SPRR2G: variants seen among roughly 807,000 people sequenced by gnomAD.
SPRR2G encodes the protein small proline-rich protein 2G.
SPRR2G carries 1 observed loss-of-function variant against 0.7 expected under a neutral mutation model. The ratio of observed to expected loss-of-function variants is 1.49; its 90% confidence interval spans 0.53 to 7.06. The LOEUF is 7.06. Ranked by LOEUF, SPRR2G falls within the 30% of genes most tolerant of loss-of-function variation. SPRR2G has a pLI of 0.14. For missense variants in SPRR2G, 96 were observed against 88.5 expected (o/e 1.09, Z -0.34); for synonymous variants, 38 against 33.9 (o/e 1.12, Z -0.42).
the SPRR2G span, among the ~76,000 whole-genome samples, chr1:153,177,763 C>A: frequency 4.0e-3 from 611 of 151,982 alleles, 9 homozygotes; most frequent in African/African-American, 0.013. Context: ...GTATTGAAAC[C>A]AGATAGTGTG....
the SPRR2G span, among the ~76,000 whole-genome samples, chr1:153,177,235 A>G: frequency 3.3e-5 from 5 of 152,316 alleles, no homozygotes; most frequent in East Asian, 9.6e-4. Context: ...TGAATTTTCC[A>G]TAATTTATTG....
At chr1:153,160,766 A>T in the SPRR2G span, among the ~76,000 whole-genome samples, 3 of 151,268 alleles carry the variant, frequency 2.0e-5, no homozygotes, top group Non-Finnish European at 4.4e-5. Flanking sequence ...ATTATAAAAC[A>T]TGCTGCTATA....
chr1:153,159,805 A>G, the SPRR2G span, among the ~76,000 whole-genome samples: 1 of 152,194 alleles, frequency 6.6e-6, no homozygotes, highest in Admixed American at 6.5e-5. Context: ...AACACTTTTA[A>G]GCCATTAGAT....
the SPRR2G span, among the ~76,000 whole-genome samples, chr1:153,202,978 C>A: frequency 6.6e-6 from 1 of 152,122 alleles, no homozygotes; most frequent in Non-Finnish European, 1.5e-5. Flanking sequence ...CTGGGGCTAA[C>A]CCAATTGTGT....
At chr1:153,162,186 G>A in the SPRR2G span, among the ~76,000 whole-genome samples, 1 of 152,098 alleles carries the variant, frequency 6.6e-6, no homozygotes, top group Non-Finnish European at 1.5e-5. Context: ...AGGCCCCAGT[G>A]TGTGTTGTTC....
At chr1:153,155,609 A>C (rs942510773), upstream of SPRR2G, among the ~76,000 whole-genome samples, 3 of 152,168 alleles carry the variant, frequency 2.0e-5, no homozygotes, top group Non-Finnish European at 4.4e-5. Context: ...ATCTGACTAC[A>C]TCACTTGCAT....
chr1:153,188,571 GC>G, the SPRR2G span, among the ~76,000 whole-genome samples: 3 of 152,166 alleles, frequency 2.0e-5, no homozygotes, highest in Non-Finnish European at 2.9e-5. Context: ...AGACAGCTGT[GC>G]TGGCAGCAAG....
the SPRR2G span, among the ~76,000 whole-genome samples, chr1:153,193,952 C>G: frequency 6.6e-6 from 1 of 152,138 alleles, no homozygotes; most frequent in African/African-American, 2.4e-5. Flanking sequence ...CTCCAGCCCA[C>G]AAGATGACAG....
the SPRR2G span, among the ~76,000 whole-genome samples, chr1:153,196,249 T>C: frequency 6.6e-6 from 1 of 152,214 alleles, no homozygotes; most frequent in Non-Finnish European, 1.5e-5. Context: ...GTAACCACTG[T>C]TACAGCCTTT....
chr1:153,166,320 G>GT, the SPRR2G span, among the ~76,000 whole-genome samples: 11 of 152,302 alleles, frequency 7.2e-5, no homozygotes, highest in Non-Finnish European at 1.5e-4. Context: ...GGAATGAAAG[G>GT]TTTTTAATCA....
the SPRR2G span, among the ~76,000 whole-genome samples, chr1:153,173,118 C>T: frequency 6.6e-6 from 1 of 152,208 alleles, no homozygotes; most frequent in Non-Finnish European, 1.5e-5. Context: ...TCCTATCTCA[C>T]GTTCTTTCTA....
the SPRR2G span, among the ~76,000 whole-genome samples, chr1:153,181,483 A>T: frequency 6.6e-6 from 1 of 152,268 alleles, no homozygotes; most frequent in South Asian, 2.1e-4. Context: ...AGCTCACTCT[A>T]ATATCAGTCA....
At chr1:153,173,109 C>T in the SPRR2G span, among the ~76,000 whole-genome samples, 2 of 152,220 alleles carry the variant, frequency 1.3e-5, no homozygotes, top group Non-Finnish European at 2.9e-5. Context: ...ATGTTCACAT[C>T]CTATCTCACG....
At chr1:153,172,099 C>T in the SPRR2G span, among the ~76,000 whole-genome samples, 2 of 152,166 alleles carry the variant, frequency 1.3e-5, no homozygotes, top group East Asian at 1.9e-4. Flanking sequence ...ATACATGAGA[C>T]AAGTGACAGT....
chr1:153,164,373 C>G, the SPRR2G span, among the ~76,000 whole-genome samples: 1 of 152,150 alleles, frequency 6.6e-6, no homozygotes, highest in Non-Finnish European at 1.5e-5. Context: ...AGCAACTATT[C>G]CTGGAGAAAG....
the SPRR2G span, among the ~76,000 whole-genome samples, chr1:153,185,203 G>T: frequency 2.0e-5 from 3 of 152,156 alleles, no homozygotes; most frequent in Non-Finnish European, 2.9e-5. Context: ...TTGGTATCAG[G>T]ATGATGCTGG....
chr1:153,194,989 AG>A, the SPRR2G span, among the ~76,000 whole-genome samples: 3 of 152,182 alleles, frequency 2.0e-5, no homozygotes, highest in African/African-American at 7.2e-5. Flanking sequence ...AAAGCATAAA[AG>A]TTTATCTCCT....
chr1:153,198,725 C>T, the SPRR2G span, among the ~76,000 whole-genome samples: 63 of 152,276 alleles, frequency 4.1e-4, no homozygotes, highest in East Asian at 0.012. Context: ...GTGTTGAACT[C>T]TGATTTTGTA....
Position 153,149,605 on chromosome 1 carries a change from C to G in SPRR2G, c.*284G>C, listed in dbSNP as rs994111968. On this transcript the variant is annotated 3_prime_UTR_variant, in exon 2 of 2. Coordinates refer to ENST00000368748, the MANE Select transcript of SPRR2G (RefSeq NM_001014291.4). ...TGTGGGCTTGACCATGAAACATGTG[C>G]TTTATTGGGGAGAAGCAAAAGAATA... is the stretch of plus-strand genomic sequence containing the variant. 2 of 498,858 alleles carry G rather than the reference C, an allele frequency of 4.0e-6. No individual in the cohort carries two copies. Among genetic ancestry groups the G allele is most frequent in the Admixed American group, 6.8e-5 (2 of 29,582 alleles). 30.9% of individuals were successfully genotyped at this position (498,858 alleles called of 1,614,324 possible). A position where few individuals can be genotyped will look rare whatever the true frequency, so the allele number is the denominator to read the frequency against.
Sources: gnomAD v4.1 joint callset for allele counts (sites outside exome capture counted in the v4.1 genomes callset) on GRCh38, gnomAD v4.1.1 for gene constraint, MANE v1.5 for transcripts, NCBI Gene and HGNC (gene_info 2026-07-23, HGNC 2026-07-21) for gene names.